CCDC85C: variants seen among roughly 807,000 people sequenced by gnomAD.
CCDC85C encodes the protein coiled-coil domain containing 85C.
A neutral mutation model predicts 38.3 loss-of-function variants in CCDC85C; 18 were observed. The observed-to-expected ratio is 0.47, with a 90% CI of 0.33 to 0.70. CCDC85C has a LOEUF of 0.70. Ranked by LOEUF, CCDC85C falls within the 30% of genes least tolerant of loss-of-function variation. CCDC85C has a pLI of 0.03. For synonymous variants in CCDC85C, 264 were observed against 293.8 expected (o/e 0.90, Z 1.04); for missense variants, 566 against 621.2 (o/e 0.91, Z 0.94).
At chr14:99,547,873 T>C (rs1460334575) in intron 1 of CCDC85C, among the ~76,000 whole-genome samples, 2 of 151,982 alleles carry the variant, frequency 1.3e-5, no homozygotes, top group Non-Finnish European at 2.9e-5. Context: ...CACACACATA[T>C]ATATACATAT....
rs573523772 is a variant in CCDC85C at position 99,517,275 on chromosome 14, A to G, written c.976-92T>C. ...GACAAGGCCCCCATTCTGAGGGGCC[A>G]GGGCCCAGGCAGGAGGAAAAGGGGA... On this transcript the variant is annotated intron_variant, in intron 3 of 5. Coordinates refer to ENST00000380243, the MANE Select transcript of CCDC85C (RefSeq NM_001144995.2). 9.9e-6 allele frequency: 10 copies of G among 1,008,018 alleles called. No individual in the cohort carries two copies. The Admixed American group carries it at 1.1e-4, about 11-fold the overall frequency. 62.4% of individuals were successfully genotyped at this position (1,008,018 alleles called of 1,614,324 possible).
intron 1 of CCDC85C, among the ~76,000 whole-genome samples, chr14:99,559,339 G>A (rs190186077): frequency 1.5e-3 from 227 of 152,104 alleles, no homozygotes; most frequent in African/African-American, 5.1e-3. Flanking sequence ...CCACGTGATC[G>A]TTTGCTGTGG....
intron 1 of CCDC85C, among the ~76,000 whole-genome samples, chr14:99,543,284 C>A (rs1897747921): frequency 6.6e-6 from 1 of 152,180 alleles, no homozygotes; most frequent in Non-Finnish European, 1.5e-5. Flanking sequence ...TGCAGAACCC[C>A]GTCTTACAAA....
intron 1 of CCDC85C, among the ~76,000 whole-genome samples, chr14:99,585,413 G>C (rs1156737985): frequency 2.6e-5 from 4 of 152,148 alleles, no homozygotes; most frequent in Non-Finnish European, 5.9e-5. Flanking sequence ...TCAAACCCCC[G>C]CTCTGCCGCT....
intron 1 of CCDC85C, among the ~76,000 whole-genome samples, chr14:99,562,641 C>G (rs1394004354): frequency 6.6e-6 from 1 of 152,168 alleles, no homozygotes; most frequent in Non-Finnish European, 1.5e-5. Flanking sequence ...CAGGGAACCC[C>G]CAACCTGGGT....
rs112311069 is a variant in CCDC85C at position 99,579,435 on chromosome 14, C to T, written c.793+23732G>A. Among the ~76,000 whole-genome samples the T allele has an allele frequency of 7.7e-3, 1,177 of 152,318 alleles. 20 individuals carry two copies. The highest frequency in any genetic ancestry group is 0.027 in the African/African-American group (1,113 of 41,570). Reference sequence around the variant, plus strand: ...AGAGATACTCACACAGTGAGTGGGACCTACAGGGGAGCTGGCAGGGGCCTG... The same window carrying T: ...AGAGATACTCACACAGTGAGTGGGATCTACAGGGGAGCTGGCAGGGGCCTG... On this transcript the variant is annotated intron_variant, in intron 1 of 5. Transcript: ENST00000380243.
chr14:99,526,177 G>C (rs1416402095), intron 2 of CCDC85C, among the ~76,000 whole-genome samples: 1 of 152,224 alleles, frequency 6.6e-6, no homozygotes, highest in East Asian at 1.9e-4. Flanking sequence ...GCCTGTGGGG[G>C]CTCCAGGGGA....
chr14:99,557,163 A>G (rs1898027934), intron 1 of CCDC85C, among the ~76,000 whole-genome samples: 1 of 152,348 alleles, frequency 6.6e-6, no homozygotes, highest in African/African-American at 2.4e-5. Context: ...AATTATTCCT[A>G]TTGAAAAGTG....
intron 3 of CCDC85C, among the ~76,000 whole-genome samples, chr14:99,517,756 C>A (rs1897249414): frequency 6.6e-6 from 1 of 152,178 alleles, no homozygotes; most frequent in Non-Finnish European, 1.5e-5. Flanking sequence ...GACCCAGCCT[C>A]TGTCAGAAGC....
chr14:99,599,577 C>CCCAGA (rs2055178153), intron 1 of CCDC85C, among the ~76,000 whole-genome samples: 1 of 152,176 alleles, frequency 6.6e-6, no homozygotes, highest in Non-Finnish European at 1.5e-5. Flanking sequence ...GTCCAGTCAG[C>CCCAGA]CCAGACCAGA....
At chr14:99,580,023 C>T (rs1480170186) in intron 1 of CCDC85C, 6 of 455,708 alleles carry the variant, frequency 1.3e-5, no homozygotes, top group South Asian at 3.1e-5. Context: ...CCACATACCC[C>T]GGAGTGAGTC....
chr14:99,529,695 C>T (rs1241998745), intron 2 of CCDC85C, among the ~76,000 whole-genome samples: 3 of 152,260 alleles, frequency 2.0e-5, no homozygotes, highest in Admixed American at 6.5e-5. Context: ...TGAGCCACTG[C>T]GCCCAGCTGA....
chr14:99,528,832 C>T (rs897775132), intron 2 of CCDC85C, among the ~76,000 whole-genome samples: 2 of 149,792 alleles, frequency 1.3e-5, no homozygotes, highest in Non-Finnish European at 3.0e-5. Context: ...CACACTGGGG[C>T]GTGTTAGGGG....
At chr14:99,540,908 C>T (rs989003157) in intron 1 of CCDC85C, among the ~76,000 whole-genome samples, 1 of 152,186 alleles carries the variant, frequency 6.6e-6, no homozygotes, top group Non-Finnish European at 1.5e-5. Context: ...ATCCCAGATA[C>T]CCTGCACTGG....
At position 99,507,299 on chromosome 14, in the gene CCDC85C, G is replaced by A; in HGVS notation, c.*7947C>T. 1 of 672,126 alleles carries A rather than the reference G, an allele frequency of 1.5e-6. No individual in the cohort carries two copies. Among genetic ancestry groups the A allele is most frequent in the Non-Finnish European group, 2.7e-6 (1 of 371,242 alleles). The allele number at this position is 672,126 out of a possible 1,614,324, so 41.6% of individuals were successfully genotyped here. Reference sequence around the variant, plus strand: ...ATCTTTGCAAAATTGTTCTTGGGCTGGGCACAATGGCTTGTGTTTTTGATC... The same window carrying A: ...ATCTTTGCAAAATTGTTCTTGGGCTAGGCACAATGGCTTGTGTTTTTGATC... On this transcript the variant is annotated 3_prime_UTR_variant, in exon 6 of 6. Transcript: ENST00000380243.
Position 99,509,866 on chromosome 14 carries a change from G to T in CCDC85C, c.*5380C>A. ...CACTAGGAAGAGGGGGCTGGGGCCA[G>T]GGCACAAGGGGGCTTCGGGTGCTGC... On this transcript the variant is annotated 3_prime_UTR_variant, in exon 6 of 6. Transcript: ENST00000380243. 2.0e-6 allele frequency: 1 copy of T among 497,936 alleles called. No individual in the cohort carries two copies. The highest frequency in any genetic ancestry group is 3.5e-6 in the Non-Finnish European group (1 of 282,606). The allele number at this position is 497,936 out of a possible 1,614,324, so 30.8% of individuals were successfully genotyped here.
At chr14:99,596,549 G>C (rs2055144993) in intron 1 of CCDC85C, among the ~76,000 whole-genome samples, 2 of 152,216 alleles carry the variant, frequency 1.3e-5, no homozygotes, top group African/African-American at 4.8e-5. Flanking sequence ...CTGAAGAACA[G>C]GCACCCATCC....
intron 1 of CCDC85C, among the ~76,000 whole-genome samples, chr14:99,601,196 A>G (rs986605442): frequency 6.6e-6 from 1 of 152,224 alleles, no homozygotes; most frequent in Non-Finnish European, 1.5e-5. Flanking sequence ...TTGTAATAAT[A>G]ATGCTGAATT....
At chr14:99,559,669 G>A (rs1299735241) in intron 1 of CCDC85C, among the ~76,000 whole-genome samples, 1 of 152,188 alleles carries the variant, frequency 6.6e-6, no homozygotes, top group Non-Finnish European at 1.5e-5. Flanking sequence ...TTCCATCAGG[G>A]AGCAACGTGC....
Sources: gnomAD v4.1 joint callset for allele counts (sites outside exome capture counted in the v4.1 genomes callset) on GRCh38, gnomAD v4.1.1 for gene constraint, MANE v1.5 for transcripts, NCBI Gene and HGNC (gene_info 2026-07-23, HGNC 2026-07-21) for gene names.